ARHGAP17: variants seen among roughly 807,000 people sequenced by gnomAD.
The protein encoded by ARHGAP17 is rho GTPase-activating protein 17.
Under a neutral mutation model 99.5 loss-of-function variants are expected in ARHGAP17, and 57 were observed. That is an observed-to-expected ratio of 0.57 (90% CI 0.46 to 0.71). The LOEUF is 0.71. Among genes scored for constraint, ARHGAP17 ranks in the 30% least tolerant of loss-of-function variants. ARHGAP17 has a pLI of 0.00. For missense variants in ARHGAP17, 1,000 were observed against 1,122.4 expected, an observed-to-expected ratio of 0.89 and a Z score of 1.56; for synonymous variants, 417 against 429.6, an observed-to-expected ratio of 0.97 and a Z score of 0.36.
At chr16:24,964,051 TAGAG>T in intron 7 of ARHGAP17, 142 bp downstream of exon 7, 2 of 535,022 alleles carry the variant, frequency 3.7e-6, no homozygotes, top group Non-Finnish European at 6.4e-6. Flanking sequence ...AATATAGTCT[TAGAG>T]AAGAAGAAAA....
At chr16:24,920,388 G>A (rs1381817346) in intron 19 of ARHGAP17, 128 bp from the exon 20 acceptor site, 11 of 1,165,178 alleles carry the variant, frequency 9.4e-6, no homozygotes, top group South Asian at 8.4e-5. Flanking sequence ...GGTCCCTTGC[G>A]AGAGGCCTCA....
At chr16:24,942,384 T>C (rs917525196) in intron 15 of ARHGAP17, among the ~76,000 whole-genome samples, 1 of 152,170 alleles carries the variant, frequency 6.6e-6, no homozygotes, top group African/African-American at 2.4e-5. Context: ...ACTTTTGTGC[T>C]TTCTCTTTTG....
At chr16:25,004,844 T>C (rs758354406) in intron 1 of ARHGAP17, among the ~76,000 whole-genome samples, 1 of 152,204 alleles carries the variant, frequency 6.6e-6, no homozygotes, top group Non-Finnish European at 1.5e-5. Context: ...AAGTAGCCAA[T>C]GCAAATAATC....
rs770815150 is a variant in ARHGAP17, at chr16:24,959,989, T to C, written c.574-10A>G. 1.9e-6 allele frequency: 3 copies of C among 1,613,628 alleles called. No homozygotes were observed. The highest frequency in any genetic ancestry group is 1.1e-5 in the South Asian group (1 of 90,974). ...CTGCTGCAAGTTGATCCTGGGTAAA[T>C]GGAAGATAAGAGGTTATTGAAGAAA... On this transcript the variant is annotated splice_polypyrimidine_tract_variant and intron_variant, in intron 7 of 19. Transcript: ENST00000289968.
intron 1 of ARHGAP17, among the ~76,000 whole-genome samples, chr16:24,981,337 A>C: frequency 6.6e-6 from 1 of 152,266 alleles, no homozygotes; most frequent in Non-Finnish European, 1.5e-5. Flanking sequence ...CACTGGAAAC[A>C]TAAAGATAGT....
intron 1 of ARHGAP17, among the ~76,000 whole-genome samples, chr16:24,982,986 ATATATATATATTTTT>A (rs1347745894): frequency 6.9e-5 from 2 of 28,944 alleles, no homozygotes; most frequent in East Asian, 6.5e-4. Flanking sequence ...ATATATATAT[ATATATATATATTTTT>A]TTTTTTTTTT....
At chr16:24,963,305 A>C (rs1309799913) in intron 7 of ARHGAP17, among the ~76,000 whole-genome samples, 8 of 152,154 alleles carry the variant, frequency 5.3e-5, no homozygotes, top group Non-Finnish European at 1.5e-5. Flanking sequence ...CCACTATATT[A>C]TTTTTATATT....
At chr16:24,980,547 T>C (rs1185143772) in intron 1 of ARHGAP17, among the ~76,000 whole-genome samples, 1 of 152,094 alleles carries the variant, frequency 6.6e-6, no homozygotes. Flanking sequence ...ACCCTAGACC[T>C]TGCTTGGCAA....
intron 12 of ARHGAP17, among the ~76,000 whole-genome samples, chr16:24,950,212 G>A (rs956115033): frequency 1.3e-5 from 2 of 152,036 alleles, no homozygotes; most frequent in African/African-American, 4.8e-5. Context: ...TGTGTTACTG[G>A]GATGGAAGCC....
Position 24,927,640 on chromosome 16 carries a change from C to T in ARHGAP17, c.2515+3144G>A, listed in dbSNP as rs535278064. 254 of 1,078,524 alleles carry T rather than the reference C, an allele frequency of 2.4e-4. No individual in the cohort carries two copies. In the African/African-American group the frequency reaches 3.9e-3, roughly 16 times the overall value. 66.8% of individuals were successfully genotyped at this position (1,078,524 alleles called of 1,614,324 possible). The stretch of plus-strand genomic sequence containing the variant: ...GGCATGAGTGCACAAATATGATCAT[C>T]AAGTAGCAAAAATGCATTGGCCAAT... On this transcript the variant is annotated intron_variant, in intron 19 of 19. Transcript: ENST00000289968.
At chr16:24,977,395 T>C in intron 2 of ARHGAP17, 76 bp from the exon 3 acceptor site, 1 of 1,216,308 alleles carries the variant, frequency 8.2e-7, no homozygotes, top group South Asian at 1.6e-5. Flanking sequence ...AGGAAAAGCA[T>C]GGCTGAATCT....
rs566918868 is a variant in ARHGAP17, at chr16:24,948,758, C to G, written c.1127+646G>C. On this transcript the variant is annotated intron_variant, in intron 13 of 19. Coordinates refer to ENST00000289968, the MANE Select transcript of ARHGAP17 (RefSeq NM_001006634.3). Reference sequence around the variant, plus strand: ...TTCTGACTGGTCACTTAATGTCACTCAAAACCAAACAAGGAAAATTTTCTA... The same window carrying G: ...TTCTGACTGGTCACTTAATGTCACTGAAAACCAAACAAGGAAAATTTTCTA... 1.8e-3 allele frequency among the ~76,000 whole-genome samples: 273 copies of G among 151,508 alleles called. 1 individual carries two copies. The highest frequency in any genetic ancestry group is 3.0e-3 in the Non-Finnish European group (205 of 67,704).
intron 12 of ARHGAP17, among the ~76,000 whole-genome samples, chr16:24,950,835 T>TAAAAAA (rs2051613131): frequency 3.0e-5 from 1 of 33,866 alleles, no homozygotes; most frequent in African/African-American, 2.1e-4. Context: ...GGACTCCAAC[T>TAAAAAA]CAAAAAAAAA....
In ARHGAP17 at chr16:24,979,010, G is replaced by C. The variant is rs754460973; in HGVS notation, c.54-5C>G. Reference sequence around the variant, plus strand: ...AGGACTTCTGTTTTCTCAGCTCTGTGGGAAAAATTAAAAATTCAGAGTTAG... The same window carrying C: ...AGGACTTCTGTTTTCTCAGCTCTGTCGGAAAAATTAAAAATTCAGAGTTAG... On this transcript the variant is annotated splice_polypyrimidine_tract_variant and splice_region_variant and intron_variant, in intron 1 of 19. Transcript: ENST00000289968. 9 of 1,578,946 alleles carry C rather than the reference G, an allele frequency of 5.7e-6. No homozygotes were observed. The highest frequency in any genetic ancestry group is 6.0e-6 in the Non-Finnish European group (7 of 1,165,672).
intron 8 of ARHGAP17, 36 bp from the exon 9 acceptor site, chr16:24,959,788 G>A (rs780795441): frequency 1.5e-5 from 24 of 1,610,036 alleles, no homozygotes; most frequent in Admixed American, 3.3e-5. Context: ...CAAAAGTAAC[G>A]TTAGCATCGG....
At chr16:24,981,640 A>G (rs56325041) in intron 1 of ARHGAP17, among the ~76,000 whole-genome samples, 3,639 of 152,350 alleles carry the variant, frequency 0.024, 78 homozygotes, top group Non-Finnish European at 0.034. Context: ...CTCAGAGAGT[A>G]GGGAGTGAAC....
intron 9 of ARHGAP17, among the ~76,000 whole-genome samples, chr16:24,959,310 A>T (rs2051911218): frequency 6.6e-6 from 1 of 152,224 alleles, no homozygotes; most frequent in African/African-American, 2.4e-5. Context: ...TCTTGGAGTC[A>T]CATGGCCAGA....
intron 19 of ARHGAP17, among the ~76,000 whole-genome samples, chr16:24,927,426 C>T (rs866028495): frequency 1.2e-4 from 18 of 152,120 alleles, no homozygotes; most frequent in Admixed American, 7.9e-4. Context: ...CTCAAGCTTG[C>T]CTGATATGGA....
chr16:24,956,343 T>G (rs187906516), intron 9 of ARHGAP17: 2 of 152,308 alleles, frequency 1.3e-5, no homozygotes, highest in African/African-American at 4.8e-5. Flanking sequence ...AAGCAAGTCA[T>G]AAGGCAAATT....
Sources: gnomAD v4.1 joint callset for allele counts (sites outside exome capture counted in the v4.1 genomes callset) on GRCh38, gnomAD v4.1.1 for gene constraint, MANE v1.5 for transcripts, NCBI Gene and HGNC (gene_info 2026-07-23, HGNC 2026-07-21) for gene names.